Variants in DOK6 observed in about 807,000 individuals in gnomAD.
DOK6 encodes docking protein 6, also known as downstream of tyrosine kinase 6.
Under a neutral mutation model 44.0 loss-of-function variants are expected in DOK6, and 22 were observed. The ratio of observed to expected loss-of-function variants is 0.50; its 90% confidence interval spans 0.36 to 0.71. The LOEUF (loss-of-function observed/expected upper bound fraction) is 0.71. Ranked by LOEUF, DOK6 falls within the 30% of genes least tolerant of loss-of-function variation. The probability of loss-of-function intolerance (pLI) is 0.00; values close to 1 mark genes in which losing one functional copy is unlikely to be tolerated. For synonymous variants in DOK6, 166 were observed against 145.5 expected (o/e 1.14, Z -1.01); for missense variants, 340 against 416.4 (o/e 0.82, Z 1.60).
In DOK6 at chr18:69,844,108, C is replaced by T. The variant is rs915524375; in HGVS notation, c.*2725C>T. Reference sequence around the variant, plus strand: ...AGAAGGGTCATGGAGATGTATACCACTCGCTTGGGCTCGTAGGTTTTTGAC... The same window carrying T: ...AGAAGGGTCATGGAGATGTATACCATTCGCTTGGGCTCGTAGGTTTTTGAC... On this transcript the variant is annotated 3_prime_UTR_variant, in exon 8 of 8. Coordinates refer to ENST00000382713, the MANE Select transcript of DOK6 (RefSeq NM_152721.6). 2.0e-5 allele frequency: 3 copies of T among 152,178 alleles called. No homozygotes were observed. The highest frequency in any genetic ancestry group is 6.5e-5 in the Admixed American group (1 of 15,268). 9.4% of individuals were successfully genotyped at this position (152,178 alleles called of 1,614,324 possible). A position where few individuals can be genotyped will look rare whatever the true frequency, so the allele number is the denominator to read the frequency against.
At chr18:69,404,089 A>T (rs1916152327) in intron 1 of DOK6, among the ~76,000 whole-genome samples, 1 of 152,226 alleles carries the variant, frequency 6.6e-6, no homozygotes, top group Non-Finnish European at 1.5e-5. Context: ...TAATGGAGAA[A>T]AAAAGGCCTG....
chr18:69,834,946 C>T (rs1982001711), intron 7 of DOK6, among the ~76,000 whole-genome samples: 1 of 152,202 alleles, frequency 6.6e-6, no homozygotes, highest in Non-Finnish European at 1.5e-5. Flanking sequence ...AGAGTCACAT[C>T]TTCCTTGGCC....
chr18:69,628,349 G>T (rs377430429), intron 3 of DOK6, among the ~76,000 whole-genome samples: 27 of 152,204 alleles, frequency 1.8e-4, no homozygotes, highest in African/African-American at 6.5e-4. Context: ...ACTTATCCAG[G>T]TTTCATGGCC....
intron 2 of DOK6, among the ~76,000 whole-genome samples, chr18:69,577,996 A>C (rs1351382432): frequency 1.3e-5 from 2 of 152,162 alleles, no homozygotes; most frequent in South Asian, 2.1e-4. Flanking sequence ...GACTCCTAGG[A>C]AACCACCATG....
At chr18:69,832,488 C>G (rs1981928934) in intron 7 of DOK6, 1 of 150,942 alleles carries the variant, frequency 6.6e-6, no homozygotes, top group Admixed American at 6.6e-5. Flanking sequence ...CTGTAGTTTT[C>G]TCTTTTTTTC....
intron 1 of DOK6, chr18:69,483,547 C>T (rs1980490099): frequency 6.6e-6 from 1 of 152,078 alleles, no homozygotes; most frequent in Non-Finnish European, 1.5e-5. Context: ...TTGGGACAGA[C>T]TACGAAGTAC....
At position 69,631,981 on chromosome 18, in the gene DOK6, C is replaced by T. The variant is rs535138973; in HGVS notation, c.289+32483C>T. Among the ~76,000 whole-genome samples the T allele has an allele frequency of 5.3e-5, 8 of 152,086 alleles. No individual in the cohort carries two copies. In the South Asian group the frequency reaches 1.2e-3, roughly 24 times the overall value. ...ATTTTGATTCATTGTATGCCTTAAG[C>T]GTTCAAATATTCATATATTTTCTTG... On this transcript the variant is annotated intron_variant, in intron 3 of 7. Coordinates refer to ENST00000382713, the MANE Select transcript of DOK6 (RefSeq NM_152721.6).
At chr18:69,699,461 A>C (rs1278692489) in intron 5 of DOK6, among the ~76,000 whole-genome samples, 1 of 152,154 alleles carries the variant, frequency 6.6e-6, no homozygotes, top group Non-Finnish European at 1.5e-5. Flanking sequence ...TGTCTCTTAA[A>C]ATTTTAAGGA....
intron 3 of DOK6, among the ~76,000 whole-genome samples, chr18:69,604,192 A>G (rs1165990706): frequency 6.6e-6 from 1 of 152,196 alleles, no homozygotes; most frequent in African/African-American, 2.4e-5. Context: ...TAGTATACTA[A>G]TTAAGGAATT....
At chr18:69,821,110 T>A (rs2145123951) in intron 7 of DOK6, among the ~76,000 whole-genome samples, 1 of 152,316 alleles carries the variant, frequency 6.6e-6, no homozygotes, top group South Asian at 2.1e-4. Context: ...CATATTTTTG[T>A]TAATACAATC....
intron 5 of DOK6, among the ~76,000 whole-genome samples, chr18:69,722,133 G>A (rs1037019827): frequency 6.6e-6 from 1 of 152,078 alleles, no homozygotes; most frequent in African/African-American, 2.4e-5. Context: ...ATATGTTTGG[G>A]TCTATGTGTC....
At chr18:69,769,457 C>G (rs932752082) in intron 7 of DOK6, among the ~76,000 whole-genome samples, 3 of 152,024 alleles carry the variant, frequency 2.0e-5, no homozygotes, top group African/African-American at 7.2e-5. Flanking sequence ...ATCTGTAACT[C>G]TAATATGATG....
In DOK6 at chr18:69,723,665, C is replaced by T. The variant is rs953583046; in HGVS notation, c.600-15300C>T. ...TTTTAGCTCTCTAGGCAGTGTAGTG[C>T]TCCTGTGAAACCATTGCTCATAATC... On this transcript the variant is annotated intron_variant, in intron 5 of 7. Coordinates refer to ENST00000382713, the MANE Select transcript of DOK6 (RefSeq NM_152721.6). Among the ~76,000 whole-genome samples, 13 of 152,218 alleles carry T rather than the reference C, an allele frequency of 8.5e-5. No homozygotes were observed. In the East Asian group the frequency reaches 2.5e-3, roughly 29 times the overall value.
At chr18:69,426,109 T>C (rs1978628267) in intron 1 of DOK6, among the ~76,000 whole-genome samples, 1 of 152,156 alleles carries the variant, frequency 6.6e-6, no homozygotes, top group South Asian at 2.1e-4. Flanking sequence ...CACAATTTGT[T>C]AAATAATCTG....
intron 1 of DOK6, among the ~76,000 whole-genome samples, chr18:69,559,861 G>A (rs1477486641): frequency 3.9e-5 from 6 of 152,110 alleles, no homozygotes; most frequent in Admixed American, 3.9e-4. Flanking sequence ...AGTAAGCAGA[G>A]AAAGAGAGAG....
intron 1 of DOK6, among the ~76,000 whole-genome samples, chr18:69,521,466 A>C (rs557405631): frequency 6.6e-6 from 1 of 151,546 alleles, no homozygotes; most frequent in Non-Finnish European, 1.5e-5. Flanking sequence ...AAACATGTGA[A>C]TCAAAGTTTA....
intron 4 of DOK6, among the ~76,000 whole-genome samples, chr18:69,684,208 A>T (rs1367057709): frequency 1.3e-5 from 2 of 152,152 alleles, no homozygotes; most frequent in African/African-American, 4.8e-5. Context: ...CACTTTTCTC[A>T]CTTGGTCTTC....
At chr18:69,623,320 G>T (rs1015020110) in intron 3 of DOK6, among the ~76,000 whole-genome samples, 1 of 152,054 alleles carries the variant, frequency 6.6e-6, no homozygotes, top group Non-Finnish European at 1.5e-5. Flanking sequence ...TTACAGCATT[G>T]CAAGAACAGA....
chr18:69,443,589 G>A (rs1186088293), intron 1 of DOK6, among the ~76,000 whole-genome samples: 1 of 152,086 alleles, frequency 6.6e-6, no homozygotes, highest in Non-Finnish European at 1.5e-5. Context: ...TCTGTTTTCT[G>A]ATATGATTGT....
Sources: allele counts gnomAD v4.1 joint callset (sites outside exome capture counted in the v4.1 genomes callset), GRCh38; gene constraint gnomAD v4.1.1; transcripts MANE v1.5; gene names NCBI Gene and HGNC (gene_info 2026-07-23, HGNC 2026-07-21).